TACR1: variants seen among roughly 807,000 people sequenced by gnomAD.
TACR1 encodes substance-P receptor.
In TACR1, 25 loss-of-function variants were observed where a neutral mutation model predicts 35.8. That is an observed-to-expected ratio of 0.70 (90% CI 0.51 to 0.98). The LOEUF (loss-of-function observed/expected upper bound fraction) is 0.98, where lower values mean the gene tolerates loss of function less well. Ranked by LOEUF, TACR1 falls within the 50% of genes least tolerant of loss-of-function variation. The probability of loss-of-function intolerance (pLI) is 0.00; values close to 1 mark genes in which losing one functional copy is unlikely to be tolerated. For synonymous variants in TACR1, 195 were observed against 206.7 expected (o/e 0.94, Z 0.48); for missense variants, 478 against 522.9 (o/e 0.91, Z 0.84).
At chr2:75,052,560 A>G (rs1305499650) in intron 3 of TACR1, among the ~76,000 whole-genome samples, 2 of 152,204 alleles carry the variant, frequency 1.3e-5, no homozygotes, top group African/African-American at 2.4e-5. Context: ...TACCAAAGAA[A>G]AAAAAAAGGA....
chr2:75,072,080 G>T (rs558736442), intron 2 of TACR1, among the ~76,000 whole-genome samples: 2 of 152,330 alleles, frequency 1.3e-5, no homozygotes, highest in South Asian at 4.1e-4. Context: ...TAGTCTAGGG[G>T]GAGCACAGAG....
At chr2:75,134,326 T>A (rs1278747100) in intron 1 of TACR1, among the ~76,000 whole-genome samples, 1 of 152,222 alleles carries the variant, frequency 6.6e-6, no homozygotes, top group Admixed American at 6.5e-5. Flanking sequence ...TTTCCTGTCC[T>A]GCTTTTTAAC....
chr2:75,129,368 A>G (rs147818116), intron 1 of TACR1, among the ~76,000 whole-genome samples: 38 of 152,320 alleles, frequency 2.5e-4, no homozygotes, highest in Non-Finnish European at 4.6e-4. Context: ...CCTTGATATT[A>G]AGTTATTAAA....
intron 1 of TACR1, among the ~76,000 whole-genome samples, chr2:75,156,735 C>G (rs377391412): frequency 1.0e-3 from 155 of 152,222 alleles, no homozygotes; most frequent in African/African-American, 3.4e-3. Flanking sequence ...TTCAAGCCAC[C>G]CAGTTTGTGG....
In TACR1 at chr2:75,198,534, G is replaced by A; in HGVS notation, c.389+12C>T. ...GAGCACTTTCTCGCCTTTTCACAAA[G>A]GCTAATCTCACCTATCAAAGGCCAC... On this transcript the variant is annotated intron_variant, in intron 1 of 4. Coordinates refer to ENST00000305249, the MANE Select transcript of TACR1 (RefSeq NM_001058.4). The A allele has an allele frequency of 6.2e-7, 1 of 1,610,218 alleles. No homozygotes were observed. The highest frequency in any genetic ancestry group is 2.2e-5 in the East Asian group (1 of 44,736).
At chr2:75,137,685 C>T (rs1674322428) in intron 1 of TACR1, among the ~76,000 whole-genome samples, 1 of 125,922 alleles carries the variant, frequency 7.9e-6, no homozygotes, top group Non-Finnish European at 1.6e-5. Context: ...GCCAGGATCA[C>T]ACCGCTGCCC....
chr2:75,120,394 A>G (rs752732204), intron 2 of TACR1, among the ~76,000 whole-genome samples, 180 bp downstream of exon 2: 1 of 152,136 alleles, frequency 6.6e-6, no homozygotes, highest in Non-Finnish European at 1.5e-5. Context: ...TTGGGATACT[A>G]TAGTCCCCTG....
chr2:75,073,287 C>T (rs1405876879), intron 2 of TACR1, among the ~76,000 whole-genome samples: 2 of 152,224 alleles, frequency 1.3e-5, no homozygotes, highest in Admixed American at 1.3e-4. Flanking sequence ...ACAGCTCCCA[C>T]ATCTTTTGTG....
At chr2:75,137,521 C>G (rs780788676) in intron 1 of TACR1, among the ~76,000 whole-genome samples, 2 of 151,718 alleles carry the variant, frequency 1.3e-5, no homozygotes, top group East Asian at 3.9e-4. Flanking sequence ...GTCAGGAGAT[C>G]GAGATCATCC....
intron 1 of TACR1, among the ~76,000 whole-genome samples, chr2:75,149,726 T>A (rs1168838451): frequency 6.6e-6 from 1 of 152,200 alleles, no homozygotes; most frequent in Non-Finnish European, 1.5e-5. Context: ...TTGAATACCC[T>A]TTATTTCTTT....
At chr2:75,164,203 T>C (rs916859016) in intron 1 of TACR1, among the ~76,000 whole-genome samples, 11 of 152,018 alleles carry the variant, frequency 7.2e-5, no homozygotes, top group African/African-American at 2.4e-4. Context: ...GGCGGGCACC[T>C]GTGATCCCAG....
chr2:75,136,815 G>A (rs1674302117), intron 1 of TACR1, among the ~76,000 whole-genome samples: 2 of 152,192 alleles, frequency 1.3e-5, no homozygotes, highest in Non-Finnish European at 2.9e-5. Flanking sequence ...GGAAACATAG[G>A]AAGAAAGGCA....
intron 1 of TACR1, among the ~76,000 whole-genome samples, chr2:75,155,338 G>GT: frequency 6.6e-6 from 1 of 152,046 alleles, no homozygotes. Context: ...CTCTTGCCGT[G>GT]AGCAACCTTG....
At chr2:75,113,532 C>CTT (rs11437762) in intron 2 of TACR1, among the ~76,000 whole-genome samples, 2,786 of 91,944 alleles carry the variant, frequency 0.03, 68 homozygotes, top group East Asian at 0.071. Context: ...TTTCTTCTTC[C>CTT]TTTTTTTTTT....
chr2:75,128,244 A>G (rs965421128), intron 1 of TACR1, among the ~76,000 whole-genome samples: 1 of 152,256 alleles, frequency 6.6e-6, no homozygotes, highest in Non-Finnish European at 1.5e-5. Context: ...AAAGGGACAG[A>G]TACAATTCTG....
chr2:75,086,753 G>A (rs906880077), intron 2 of TACR1, among the ~76,000 whole-genome samples: 4 of 152,126 alleles, frequency 2.6e-5, no homozygotes, highest in African/African-American at 9.7e-5. Flanking sequence ...GATGATAATC[G>A]GAAATGGGGA....
chr2:75,113,325 C>G (rs569293586), intron 2 of TACR1, among the ~76,000 whole-genome samples: 5 of 152,180 alleles, frequency 3.3e-5, no homozygotes, highest in African/African-American at 1.2e-4. Context: ...TTGGGTGGAC[C>G]CATCTTTCTC....
chr2:75,069,248 T>C (rs1672828414), intron 2 of TACR1, among the ~76,000 whole-genome samples: 1 of 152,076 alleles, frequency 6.6e-6, no homozygotes, highest in Non-Finnish European at 1.5e-5. Context: ...AATTACGCAG[T>C]CTTGGGTATG....
At chr2:75,115,078 A>C (rs1411392582) in intron 2 of TACR1, among the ~76,000 whole-genome samples, 1 of 104,694 alleles carries the variant, frequency 9.6e-6, no homozygotes, top group African/African-American at 4.5e-5. Context: ...GGGATTTGTT[A>C]ACATACGTGT....
Sources: gnomAD v4.1 joint callset for allele counts (sites outside exome capture counted in the v4.1 genomes callset) on GRCh38, gnomAD v4.1.1 for gene constraint, MANE v1.5 for transcripts, NCBI Gene and HGNC (gene_info 2026-07-23, HGNC 2026-07-21) for gene names.